The following TENM4 variants were observed in gnomAD, a reference collection of about 807,000 sequenced individuals.
TENM4 encodes teneurin transmembrane protein 4.
A neutral mutation model predicts 243.3 loss-of-function variants in TENM4; 82 were observed. The observed-to-expected ratio is 0.34, with a 90% CI of 0.28 to 0.40. The LOEUF is 0.40. TENM4 is among the 10% of genes least tolerant of loss of function. TENM4 has a pLI of 1.00. For missense variants in TENM4, 3,138 were observed against 3,673.3 expected (o/e 0.85, Z 3.77); for synonymous variants, 1,412 against 1,456.3 (o/e 0.97, Z 0.69).
intron 11 of TENM4, among the ~76,000 whole-genome samples, chr11:78,854,947 C>T (rs954011713): frequency 5.9e-5 from 9 of 152,130 alleles, no homozygotes; most frequent in Admixed American, 1.3e-4. Flanking sequence ...GCCAATTGAT[C>T]GGAGACTGCT....
intron 2 of TENM4, among the ~76,000 whole-genome samples, chr11:79,248,610 A>T (rs1855559256): frequency 6.6e-6 from 1 of 152,190 alleles, no homozygotes; most frequent in South Asian, 2.1e-4. Flanking sequence ...TTTCAGGGGG[A>T]AAAAGTCTTC....
chr11:79,360,268 A>T (rs1474518874), intron 1 of TENM4, among the ~76,000 whole-genome samples: 2 of 152,210 alleles, frequency 1.3e-5, no homozygotes, highest in South Asian at 2.1e-4. Flanking sequence ...TGTTAAACTG[A>T]TTTCAAAAAT....
At chr11:79,108,965 C>T (rs1017199815) in intron 4 of TENM4, among the ~76,000 whole-genome samples, 1 of 152,270 alleles carries the variant, frequency 6.6e-6, no homozygotes, top group Non-Finnish European at 1.5e-5. Context: ...CAAACACCCA[C>T]CGCTTGAAAT....
At chr11:79,064,554 A>G (rs1293827679) in intron 6 of TENM4, 184 bp downstream of exon 6, 1 of 750,892 alleles carries the variant, frequency 1.3e-6, no homozygotes, top group Non-Finnish European at 2.1e-6. Flanking sequence ...AATCTCTGGC[A>G]TGTCACTCAT....
intron 3 of TENM4, among the ~76,000 whole-genome samples, chr11:79,215,232 C>T (rs941188972): frequency 6.6e-6 from 1 of 152,206 alleles, no homozygotes; most frequent in Non-Finnish European, 1.5e-5. Context: ...GAGTTTCCTG[C>T]TGTTTTTTTC....
intron 4 of TENM4, among the ~76,000 whole-genome samples, chr11:79,128,883 A>T (rs1861936500): frequency 6.6e-6 from 1 of 152,186 alleles, no homozygotes; most frequent in African/African-American, 2.4e-5. Flanking sequence ...AAAAAATTTG[A>T]GGGACTCAAA....
intron 6 of TENM4, among the ~76,000 whole-genome samples, chr11:78,977,771 T>A (rs1267586653): frequency 6.6e-6 from 1 of 152,236 alleles, no homozygotes; most frequent in Non-Finnish European, 1.5e-5. Flanking sequence ...GTAAATTAGT[T>A]CAACGATTGT....
chr11:78,879,771 G>A (rs901377009), intron 9 of TENM4, among the ~76,000 whole-genome samples: 17 of 151,676 alleles, frequency 1.1e-4, no homozygotes, highest in African/African-American at 3.6e-4. Flanking sequence ...CCACCCGGCC[G>A]CCCTGTCTGG....
intron 1 of TENM4, among the ~76,000 whole-genome samples, chr11:79,338,615 G>A (rs894583319): frequency 6.6e-6 from 1 of 152,228 alleles, no homozygotes; most frequent in African/African-American, 2.4e-5. Context: ...CTAGGCCTGA[G>A]GGTCTCACAG....
intron 31 of TENM4, among the ~76,000 whole-genome samples, chr11:78,671,547 G>A (rs1015696330): frequency 6.6e-6 from 1 of 152,210 alleles, no homozygotes; most frequent in African/African-American, 2.4e-5. Context: ...TTGATTTTAG[G>A]TCATTTCTGA....
chr11:78,926,324 T>C (rs1856550340), intron 6 of TENM4, among the ~76,000 whole-genome samples: 1 of 149,774 alleles, frequency 6.7e-6, no homozygotes, highest in Admixed American at 6.7e-5. Context: ...TCGCCCAGGC[T>C]GGAGTGCAGT....
chr11:78,702,143 C>T lies in TENM4; in HGVS notation c.4470G>A (p.Lys1490=). The part of the protein sequence containing the change: ...VLYIAETDEK[K]INRIRQVTTS... ...TGGTGACCTGCCTGATGCGGTTGAT[C>T]TTTTTCTCATCAGTCTCAGCAATAT... is the stretch of plus-strand genomic sequence containing the variant. Residue 1490 remains lysine, a synonymous_variant, in exon 28 of 34, where the codon AAG becomes AAA. Coordinates refer to ENST00000278550, the MANE Select transcript of TENM4 (RefSeq NM_001098816.3). The T allele has an allele frequency of 6.2e-7, 1 of 1,613,974 alleles. No homozygotes were observed. The highest frequency in any genetic ancestry group is 8.5e-7 in the Non-Finnish European group (1 of 1,179,892).
At chr11:79,221,976 G>A (rs1262067061) in intron 2 of TENM4, among the ~76,000 whole-genome samples, 1 of 152,170 alleles carries the variant, frequency 6.6e-6, no homozygotes, top group Non-Finnish European at 1.5e-5. Context: ...TCCACTCCGT[G>A]TTCTTTCTTG....
chr11:78,864,807 T>C (rs1858924713), intron 9 of TENM4, among the ~76,000 whole-genome samples: 1 of 152,148 alleles, frequency 6.6e-6, no homozygotes, highest in African/African-American at 2.4e-5. Flanking sequence ...GCCCACTCCA[T>C]GGCAGATTCT....
intron 4 of TENM4, among the ~76,000 whole-genome samples, chr11:79,114,417 T>A (rs1861574503): frequency 6.6e-6 from 1 of 152,232 alleles, no homozygotes; most frequent in African/African-American, 2.4e-5. Flanking sequence ...GCAAATTTTC[T>A]TCAATAAGTA....
At chr11:79,226,341 C>T (rs1864264938) in intron 2 of TENM4, among the ~76,000 whole-genome samples, 1 of 152,196 alleles carries the variant, frequency 6.6e-6, no homozygotes, top group Non-Finnish European at 1.5e-5. Context: ...GCTGCTATAT[C>T]AGCAGCAAGG....
chr11:79,121,635 G>C (rs1565212270), intron 4 of TENM4, among the ~76,000 whole-genome samples: 4 of 152,202 alleles, frequency 2.6e-5, no homozygotes, highest in Admixed American at 1.3e-4. Context: ...GTTCCTCTGA[G>C]CAAGTAGTGT....
chr11:79,424,952 C>T (rs898023632), intron 1 of TENM4, among the ~76,000 whole-genome samples: 1 of 152,050 alleles, frequency 6.6e-6, no homozygotes, highest in African/African-American at 2.4e-5. Context: ...AAAAAAAAGT[C>T]AGGGGTGCCG....
At chr11:78,769,448 C>T (rs774825619) in intron 18 of TENM4, among the ~76,000 whole-genome samples, 73 of 152,312 alleles carry the variant, frequency 4.8e-4, no homozygotes, top group Admixed American at 3.2e-3. Flanking sequence ...TCTACAACAG[C>T]ACTTATCACA....
Sources: allele counts gnomAD v4.1 joint callset (sites outside exome capture counted in the v4.1 genomes callset), GRCh38; gene constraint gnomAD v4.1.1; transcripts MANE v1.5; gene names NCBI Gene and HGNC (gene_info 2026-07-23, HGNC 2026-07-21).